Variants in STK11IP observed in about 807,000 individuals in gnomAD.
The protein encoded by STK11IP is serine/threonine-protein kinase 11-interacting protein.
A neutral mutation model predicts 131.7 loss-of-function variants in STK11IP; 103 were observed. That is an observed-to-expected ratio of 0.78 (90% CI 0.67 to 0.92). The LOEUF (loss-of-function observed/expected upper bound fraction) is 0.92. STK11IP is among the 40% of genes least tolerant of loss of function. STK11IP has a pLI of 0.00. For missense variants in STK11IP, 1,315 were observed against 1,385.7 expected, an observed-to-expected ratio of 0.95 and a Z score of 0.81; for synonymous variants, 557 against 575.6, an observed-to-expected ratio of 0.97 and a Z score of 0.46.
rs773437658 is a variant in STK11IP, at chr2:219,602,005, C to T, written c.360C>T (p.Leu120=). 6.2e-7 allele frequency: 1 copy of T among 1,611,598 alleles called. No individual in the cohort carries two copies. Among genetic ancestry groups the T allele is most frequent in the Non-Finnish European group, 8.5e-7 (1 of 1,179,024 alleles). The part of the protein sequence containing the change: ...LRHLELRGVP[L]HCLHGLRGIY... ...TGTCCCAGCTCCGAGGTGTTCCCCTCCACTGTCTGCATGGCCTCCGAGGCA... is the reference window on the plus strand; with the variant it reads ...TGTCCCAGCTCCGAGGTGTTCCCCTTCACTGTCTGCATGGCCTCCGAGGCA... The change falls in exon 5 of 25, where the codon CTC becomes CTT. Residue 120 remains leucine (L), a synonymous_variant. Coordinates refer to ENST00000456909, the MANE Select transcript of STK11IP (RefSeq NM_052902.4).
intron 21 of STK11IP, 41 bp from the exon 22 acceptor site, chr2:219,614,120 G>C (rs753251831): frequency 3.2e-5 from 52 of 1,607,420 alleles, no homozygotes; most frequent in Non-Finnish European, 4.4e-5. Flanking sequence ...GGCTGGAGGA[G>C]AGCAGAGCCT....
rs1698416755 is a variant in STK11IP at position 219,612,078 on chromosome 2, G to A, written c.2439+20G>A. 2 of 1,579,338 alleles carry A rather than the reference G, an allele frequency of 1.3e-6. No homozygotes were observed. The highest frequency in any genetic ancestry group is 1.8e-5 in the Admixed American group (1 of 55,580). On this transcript the variant is annotated intron_variant, in intron 19 of 24. Transcript: ENST00000456909. ...CTCAAGGTCTGTGCTCCCTGACACT[G>A]CCCATGCCCCCAGCTGTCCAGGGTG...
chr2:219,611,974 C>G lies in STK11IP; in HGVS notation c.2355C>G (p.Leu785=). ...CCTCAGCCCCTGAGCGCTGTGGCCT[C>G]CGCTCTGTGGACCACCGACTCCGGC... ...SLSPPPERCG[L]RSVDHRLRLF... is the part of the protein sequence containing the mutation. Residue 785 remains leucine (L), a synonymous_variant, in exon 19 of 25, where the codon CTC becomes CTG. Transcript: ENST00000456909. 3 of 1,599,922 alleles carry G rather than the reference C, an allele frequency of 1.9e-6. No individual in the cohort carries two copies. The highest frequency in any genetic ancestry group is 2.6e-6 in the Non-Finnish European group (3 of 1,174,288).
chr2:219,599,003 A>C (rs11889227), intron 2 of STK11IP, among the ~76,000 whole-genome samples: 2,104 of 152,346 alleles, frequency 0.014, 48 homozygotes, highest in African/African-American at 0.048. Flanking sequence ...TCTGGTACAT[A>C]CTACAGTTAA....
intron 17 of STK11IP, among the ~76,000 whole-genome samples, chr2:219,610,496 G>T (rs942941622): frequency 6.6e-6 from 1 of 151,846 alleles, no homozygotes; most frequent in Non-Finnish European, 1.5e-5. Flanking sequence ...TCTGCCTTCC[G>T]GGTTCACGCC....
At position 219,616,182 on chromosome 2, in the gene STK11IP, C is replaced by CT; in HGVS notation, c.3258dup (p.Asp1087Ter). On this transcript the variant is annotated frameshift_variant, in exon 25 of 25. Transcript: ENST00000456909. LOFTEE classifies it high-confidence loss of function. ...GACAGTGATCCAAGAGGCGCTGGCC[C>CT]TTGACCGATGAGGGTCCCACGCTGA... 6.2e-7 allele frequency: 1 copy of CT among 1,613,352 alleles called. No individual in the cohort carries two copies. The highest frequency in any genetic ancestry group is 8.5e-7 in the Non-Finnish European group (1 of 1,179,778).
chr2:219,608,673 A>G lies in STK11IP; in HGVS notation c.1694A>G (p.His565Arg). 1 of 1,613,630 alleles carries G rather than the reference A, an allele frequency of 6.2e-7. No homozygotes were observed. Among genetic ancestry groups the G allele is most frequent in the Non-Finnish European group, 8.5e-7 (1 of 1,179,832 alleles). Residue 565 changes from histidine (H) to arginine (R), a missense_variant, in exon 15 of 25, where the codon CAC becomes CGC. Coordinates refer to ENST00000456909, the MANE Select transcript of STK11IP (RefSeq NM_052902.4). ...RECFLRVTSA[H>R]LFEVELQAAR... ...TGCTTTCTCAGGGTCACTTCTGCCC[A>G]CCTGTTTGAGGTGGAACTCCAAGCA...
At chr2:219,600,558 T>G (rs1460129678) in intron 2 of STK11IP, among the ~76,000 whole-genome samples, 1 of 152,230 alleles carries the variant, frequency 6.6e-6, no homozygotes, top group East Asian at 1.9e-4. Context: ...CCTTCATGCC[T>G]AGCTTGTAGC....
rs2106146203 is a variant in STK11IP, at chr2:219,601,413, T to C, written c.240T>C (p.Asp80=). ...TTCTTCAGCTTCAGTTTCTCTTCGA[T>C]GTGCTGCAGAAAACACTTTCACTCA... The part of the protein sequence containing the change: ...PVILQLQFLF[D]VLQKTLSLKL... The change falls in exon 3 of 25, where the codon GAT becomes GAC. Residue 80 remains aspartate (D), a synonymous_variant. Coordinates refer to ENST00000456909, the MANE Select transcript of STK11IP (RefSeq NM_052902.4). 1 of 1,614,062 alleles carries C rather than the reference T, an allele frequency of 6.2e-7. No individual in the cohort carries two copies.
chr2:219,614,275 T>C, intron 22 of STK11IP, 33 bp downstream of exon 22: 1 of 1,609,336 alleles, frequency 6.2e-7, no homozygotes, highest in African/African-American at 1.3e-5. Context: ...CTGGGGTTGC[T>C]GCCCAATCCT....
chr2:219,597,912 C>T lies in STK11IP; in HGVS notation c.-38C>T, dbSNP rs775809152. 17 of 1,611,634 alleles carry T rather than the reference C, an allele frequency of 1.1e-5. No individual in the cohort carries two copies. Among genetic ancestry groups the T allele is most frequent in the African/African-American group, 4.0e-5 (3 of 74,822 alleles). ...CAGCTGAGCTGGTAGGAGGACCAGA[C>T]GGGGAGGTTCGGTATGTCTGACCAG... On this transcript the variant is annotated 5_prime_UTR_variant, in exon 1 of 25. The change creates a new upstream start codon in the 5' untranslated region. Coordinates refer to ENST00000456909, the MANE Select transcript of STK11IP (RefSeq NM_052902.4).
In STK11IP at chr2:219,615,091, C is replaced by A. The variant is rs751613724; in HGVS notation, c.2870-3C>A. 1.2e-6 allele frequency: 2 copies of A among 1,607,410 alleles called. No individual in the cohort carries two copies. The highest frequency in any genetic ancestry group is 1.1e-5 in the South Asian group (1 of 90,170). ...TCCACACTGGATGCCTCTTTCCCTGCAGGCCCTTCCACCTGCCTCGTATCC... is the reference window on the plus strand; with the variant it reads ...TCCACACTGGATGCCTCTTTCCCTGAAGGCCCTTCCACCTGCCTCGTATCC... On this transcript the variant is annotated splice_region_variant and splice_polypyrimidine_tract_variant and intron_variant, in intron 23 of 24. Coordinates refer to ENST00000456909, the MANE Select transcript of STK11IP (RefSeq NM_052902.4).
intron 2 of STK11IP, among the ~76,000 whole-genome samples, chr2:219,600,952 A>T (rs1697964705): frequency 6.6e-6 from 1 of 152,336 alleles, no homozygotes; most frequent in South Asian, 2.1e-4. Flanking sequence ...CTGTCAGTAG[A>T]TGAGGCTCTT....
At position 219,613,908 on chromosome 2, in the gene STK11IP, G is replaced by A; in HGVS notation, c.2694G>A (p.Arg898=). The A allele has an allele frequency of 6.2e-7, 1 of 1,608,696 alleles. No homozygotes were observed. The highest frequency in any genetic ancestry group is 8.5e-7 in the Non-Finnish European group (1 of 1,177,626). Residue 898 remains arginine (R), a synonymous_variant, in exon 21 of 25, where the codon CGG becomes CGA. Coordinates refer to ENST00000456909, the MANE Select transcript of STK11IP (RefSeq NM_052902.4). ...VLLPRDARHC[R]AFLEELLDVL... ...TGCCCCGAGATGCCAGGCATTGCCG[G>A]GCCTTCCTAGAGGAGCTCCTTGGTG...
intron 20 of STK11IP, 85 bp from the exon 21 acceptor site, chr2:219,613,667 A>G: frequency 1.3e-6 from 2 of 1,514,458 alleles, no homozygotes; most frequent in Non-Finnish European, 9.2e-7. Flanking sequence ...GCAGTGAGTG[A>G]GGCAGGTGCA....
intron 17 of STK11IP, 97 bp from the exon 18 acceptor site, chr2:219,611,507 G>C: frequency 9.3e-7 from 1 of 1,078,622 alleles, no homozygotes; most frequent in East Asian, 2.4e-5. Context: ...CTTGGGCTCA[G>C]GGGAGACCTG....
At chr2:219,609,747 T>G in intron 17 of STK11IP, 3 of 355,080 alleles carry the variant, frequency 8.4e-6, no homozygotes, top group East Asian at 5.1e-5. Context: ...ATATCCTGTT[T>G]TTTTTTTTTT....
In STK11IP at chr2:219,612,013, T is replaced by C; in HGVS notation, c.2394T>C (p.Val798=). 1 of 1,605,848 alleles carries C rather than the reference T, an allele frequency of 6.2e-7. No homozygotes were observed. The highest frequency in any genetic ancestry group is 8.5e-7 in the Non-Finnish European group (1 of 1,176,900). The change falls in exon 19 of 25, where the codon GTT becomes GTC. Residue 798 remains valine (V), a synonymous_variant. Coordinates refer to ENST00000456909, the MANE Select transcript of STK11IP (RefSeq NM_052902.4). ...VDHRLRLFLD[V]EVFSDAQEEF... is the part of the protein sequence containing the mutation. ...ACCGACTCCGGCTCTTCCTGGATGTTGAGGTGTTCAGCGATGCCCAGGAGG... is the reference window on the plus strand; with the variant it reads ...ACCGACTCCGGCTCTTCCTGGATGTCGAGGTGTTCAGCGATGCCCAGGAGG...
chr2:219,606,019 G>A lies in STK11IP; in HGVS notation c.809G>A (p.Arg270Gln), dbSNP rs572282702. 2.7e-5 allele frequency: 43 copies of A among 1,608,596 alleles called. No homozygotes were observed. The highest frequency in any genetic ancestry group is 4.5e-5 in the South Asian group (4 of 89,774). The change falls in exon 9 of 25, where the codon CGG (arginine) becomes CAG (glutamine). Residue 270 changes from arginine to glutamine, a missense_variant. By Grantham distance (43) the Arg-to-Gln change is conservative. Transcript: ENST00000456909. Reference protein sequence around the residue: ...DLAYNLLEGHRELSPLWLLAE... With the variant: ...DLAYNLLEGHQELSPLWLLAE... ...GCATACAACCTGCTGGAAGGACACC[G>A]GGAGCTGTCACCACTGTGGCTGCTG...
Sources: allele counts gnomAD v4.1 joint callset (sites outside exome capture counted in the v4.1 genomes callset), GRCh38; gene constraint gnomAD v4.1.1; transcripts MANE v1.5; gene names NCBI Gene and HGNC (gene_info 2026-07-23, HGNC 2026-07-21).